The following KIF26B variants were observed in gnomAD, a reference collection of about 807,000 sequenced individuals.
KIF26B encodes kinesin-like protein KIF26B.
Under a neutral mutation model 151.2 loss-of-function variants are expected in KIF26B, and 63 were observed. That is an observed-to-expected ratio of 0.42 (90% CI 0.34 to 0.51). The LOEUF is 0.51. Ranked by LOEUF, KIF26B falls within the 20% of genes least tolerant of loss-of-function variation. The pLI, the probability that KIF26B is intolerant of heterozygous loss-of-function variation, is 0.07. For synonymous variants in KIF26B, 1,357 were observed against 1,262.1 expected (o/e 1.08, Z -1.59); for missense variants, 2,813 against 2,913.6 (o/e 0.97, Z 0.79).
intron 4 of KIF26B, among the ~76,000 whole-genome samples, chr1:245,496,560 A>C (rs1034072936): frequency 1.3e-5 from 2 of 152,194 alleles, no homozygotes; most frequent in Admixed American, 6.5e-5. Context: ...CTAGTAAAAT[A>C]ATGCATAAAA....
At chr1:245,498,082 A>G (rs1660548086) in intron 4 of KIF26B, among the ~76,000 whole-genome samples, 1 of 152,232 alleles carries the variant, frequency 6.6e-6, no homozygotes, top group Non-Finnish European at 1.5e-5. Flanking sequence ...TCAACATTCA[A>G]ACATCATTTA....
At position 245,526,906 on chromosome 1, in the gene KIF26B, TAA is replaced by T. The variant is rs1328370664; in HGVS notation, c.1167-13859_1167-13858del. ...AAATAAAGCTCTATTTCTTTCAAAATAAAGACATTAAAAGTGAACAACACTAC... is the reference window on the plus strand; with the variant it reads ...AAATAAAGCTCTATTTCTTTCAAAATAGACATTAAAAGTGAACAACACTAC... On this transcript the variant is annotated intron_variant, in intron 4 of 14. Transcript: ENST00000407071. Among the ~76,000 whole-genome samples the T allele has an allele frequency of 2.0e-5, 3 of 152,226 alleles. No homozygotes were observed. The East Asian group carries it at 5.8e-4, about 29-fold the overall frequency.
At chr1:245,661,582 C>A (rs2044139794) in intron 10 of KIF26B, among the ~76,000 whole-genome samples, 2 of 149,524 alleles carry the variant, frequency 1.3e-5, no homozygotes, top group African/African-American at 5.0e-5. Context: ...ATATACACAC[C>A]CCCAATATAT....
At chr1:245,253,797 C>T (rs1223199620) in intron 2 of KIF26B, among the ~76,000 whole-genome samples, 5 of 140,162 alleles carry the variant, frequency 3.6e-5, no homozygotes, top group African/African-American at 1.3e-4. Flanking sequence ...CTTTGAAGTC[C>T]TGCTTTTTTT....
rs528730316 is a variant in KIF26B, at chr1:245,400,496, T to TC, written c.1000-19083_1000-19082insC. 3.5e-4 allele frequency among the ~76,000 whole-genome samples: 53 copies of TC among 151,402 alleles called. 1 individual carries two copies. Among genetic ancestry groups the TC allele is most frequent in the Admixed American group, 3.2e-3 (49 of 15,204 alleles). ...AATCACATAGATAGTGAGTTTTTTT[T>TC]TTTTTTTTTTGAAATTACCTTGGCT... On this transcript the variant is annotated intron_variant, in intron 3 of 14. Coordinates refer to ENST00000407071, the MANE Select transcript of KIF26B (RefSeq NM_018012.4).
At chr1:245,690,820 A>C (rs1158167294) in intron 12 of KIF26B, among the ~76,000 whole-genome samples, 1 of 151,954 alleles carries the variant, frequency 6.6e-6, no homozygotes, top group African/African-American at 2.4e-5. Context: ...CAGCACTTGG[A>C]GCAGAACCCC....
rs2103552581 is a variant in KIF26B at position 245,227,334 on chromosome 1, A to G, written c.465+70651A>G. ...TGTTGCTAAAATTAGCAGTGTAACAAAACTTCCCATGTGATGTAGCACAGG... is the reference window on the plus strand; with the variant it reads ...TGTTGCTAAAATTAGCAGTGTAACAGAACTTCCCATGTGATGTAGCACAGG... On this transcript the variant is annotated intron_variant, in intron 2 of 14. Coordinates refer to ENST00000407071, the MANE Select transcript of KIF26B (RefSeq NM_018012.4). This position sits in a 1 kb window ranked among gnomAD's most constrained non-coding sequence, Gnocchi z 4.1. 6.6e-6 allele frequency among the ~76,000 whole-genome samples: 1 copy of G among 152,344 alleles called. No individual in the cohort carries two copies. The highest frequency in any genetic ancestry group is 6.5e-5 in the Admixed American group (1 of 15,308).
chr1:245,312,654 CT>C (rs1344800862), intron 2 of KIF26B, among the ~76,000 whole-genome samples: 1 of 152,078 alleles, frequency 6.6e-6, no homozygotes, highest in Non-Finnish European at 1.5e-5. Flanking sequence ...GTTGCTTCCC[CT>C]TTTTATGGAA....
In KIF26B at chr1:245,172,796, C is replaced by T. The variant is rs575520347; in HGVS notation, c.465+16113C>T. ...CTGCGCTCCAGCCTGGGTGACAGAGCGAGACTCCATCTCAAAAAACAAAAA... is the reference window on the plus strand; with the variant it reads ...CTGCGCTCCAGCCTGGGTGACAGAGTGAGACTCCATCTCAAAAAACAAAAA... On this transcript the variant is annotated intron_variant, in intron 2 of 14. Transcript: ENST00000407071. Among the ~76,000 whole-genome samples the T allele has an allele frequency of 5.9e-5, 9 of 152,056 alleles. No individual in the cohort carries two copies. In the South Asian group the frequency reaches 6.2e-4, roughly 11 times the overall value.
chr1:245,686,214 G>C lies in KIF26B; in HGVS notation c.3231G>C (p.Ser1077=). 6.2e-7 allele frequency: 1 copy of C among 1,612,606 alleles called. No homozygotes were observed. Among genetic ancestry groups the C allele is most frequent in the South Asian group, 1.1e-5 (1 of 91,072 alleles). The change falls in exon 12 of 15, where the codon TCG becomes TCC. Residue 1077 remains serine (S), a synonymous_variant. Transcript: ENST00000407071. This position sits in a 1 kb window ranked among gnomAD's most constrained non-coding sequence, Gnocchi z 5.6. Reference sequence around the variant, plus strand: ...GCATCGCCAGCCTGTCCAAGACCTCGGAGTACAAGCCACCCAGCTCTCCTT... The same window carrying C: ...GCATCGCCAGCCTGTCCAAGACCTCCGAGTACAAGCCACCCAGCTCTCCTT... The part of the protein sequence containing the change: ...RLGIASLSKT[S]EYKPPSSPSQ...
intron 2 of KIF26B, among the ~76,000 whole-genome samples, chr1:245,258,909 G>A (rs918476333): frequency 2.0e-5 from 3 of 152,194 alleles, no homozygotes; most frequent in African/African-American, 7.2e-5. Flanking sequence ...CCTCTGCAGT[G>A]TGTGGCATGC....
chr1:245,305,435 T>G (rs1300291592), intron 2 of KIF26B, among the ~76,000 whole-genome samples: 2 of 152,122 alleles, frequency 1.3e-5, no homozygotes, highest in African/African-American at 4.8e-5. Context: ...AGTAAAAGAT[T>G]TGAATAGACA....
At chr1:245,207,021 G>A (rs908812147) in intron 2 of KIF26B, among the ~76,000 whole-genome samples, 2 of 152,132 alleles carry the variant, frequency 1.3e-5, no homozygotes, top group African/African-American at 2.4e-5. Context: ...TTGCTTTGAC[G>A]ATTTCGGCTT....
intron 4 of KIF26B, among the ~76,000 whole-genome samples, chr1:245,421,582 T>C (rs1258879127): frequency 3.3e-5 from 5 of 152,168 alleles, no homozygotes; most frequent in Non-Finnish European, 2.9e-5. Context: ...GGAATTGACT[T>C]CCGACGTGCC....
intron 4 of KIF26B, among the ~76,000 whole-genome samples, chr1:245,521,913 T>A (rs1661120976): frequency 9.3e-6 from 1 of 107,034 alleles, no homozygotes; most frequent in African/African-American, 2.6e-5. Context: ...TCACCCAGGC[T>A]GGATGGAGTG....
At chr1:245,405,824 G>A (rs1674122868) in intron 3 of KIF26B, among the ~76,000 whole-genome samples, 1 of 152,036 alleles carries the variant, frequency 6.6e-6, no homozygotes, top group African/African-American at 2.4e-5. Context: ...GTAGGATTTG[G>A]TATTTCTGCA....
chr1:245,559,960 G>C (rs1031916474), intron 5 of KIF26B, among the ~76,000 whole-genome samples: 1 of 151,624 alleles, frequency 6.6e-6, no homozygotes, highest in Non-Finnish European at 1.5e-5. Context: ...TTACCGACGT[G>C]CCTCCCGTGC....
chr1:245,540,725 C>A lies in KIF26B; in HGVS notation c.1167-42C>A. On this transcript the variant is annotated intron_variant, in intron 4 of 14. Transcript: ENST00000407071. The surrounding 1 kb of genome is among the most constrained non-coding windows in gnomAD (Gnocchi z 4.6). Reference sequence around the variant, plus strand: ...ACGAAGTAAGCCTAGCAGATCTGATCGTACAATCATTTTCCCCTTATTGTT... The same window carrying A: ...ACGAAGTAAGCCTAGCAGATCTGATAGTACAATCATTTTCCCCTTATTGTT... The A allele has an allele frequency of 6.5e-7, 1 of 1,542,842 alleles. No homozygotes were observed. The highest frequency in any genetic ancestry group is 9.0e-7 in the Non-Finnish European group (1 of 1,115,128).
chr1:245,257,319 G>A (rs1448040803), intron 2 of KIF26B, among the ~76,000 whole-genome samples: 2 of 152,176 alleles, frequency 1.3e-5, no homozygotes, highest in Non-Finnish European at 2.9e-5. Context: ...ACTTGGGCAC[G>A]CATTCTCAGG....
Sources: allele counts gnomAD v4.1 joint callset (sites outside exome capture counted in the v4.1 genomes callset), GRCh38; gene constraint gnomAD v4.1.1; non-coding constraint Gnocchi (gnomAD v3.1); transcripts MANE v1.5; gene names NCBI Gene and HGNC (gene_info 2026-07-23, HGNC 2026-07-21).